Variants in MAP3K13 observed in about 807,000 individuals in gnomAD.
The protein encoded by MAP3K13 is leucine zipper-bearing kinase.
A neutral mutation model predicts 104.0 loss-of-function variants in MAP3K13; 52 were observed. The ratio of observed to expected loss-of-function variants is 0.50; its 90% CI spans 0.40 to 0.63. The LOEUF is 0.63. Ranked by LOEUF, MAP3K13 falls within the 20% of genes least tolerant of loss-of-function variation. The pLI is 0.00. For missense variants in MAP3K13, 914 were observed against 1,218.5 expected (o/e 0.75, Z 3.72); for synonymous variants, 394 against 442.2 (o/e 0.89, Z 1.37).
intron 2 of MAP3K13, among the ~76,000 whole-genome samples, chr3:185,322,850 C>A (rs1043852127): frequency 4.6e-5 from 7 of 151,918 alleles, no homozygotes; most frequent in Admixed American, 2.6e-4. Flanking sequence ...TTTATTTTTT[C>A]TTTTGAAATA....
chr3:185,383,378 G>A lies in MAP3K13; in HGVS notation c.-86+20010G>A, dbSNP rs562415862. ...TTTATAGTCCTTTGGGTATATACCAGTAATGGGATTTTACTAAAAATATTT... is the reference window on the plus strand; with the variant it reads ...TTTATAGTCCTTTGGGTATATACCAATAATGGGATTTTACTAAAAATATTT... On this transcript the variant is annotated intron_variant, in intron 1 of 13. Transcript: ENST00000265026. 2.6e-3 allele frequency among the ~76,000 whole-genome samples: 388 copies of A among 152,124 alleles called. 1 individual carries two copies. Among genetic ancestry groups the A allele is most frequent in the African/African-American group, 8.8e-3 (365 of 41,500 alleles).
At chr3:185,331,064 A>C (rs1722250509) in intron 2 of MAP3K13, among the ~76,000 whole-genome samples, 1 of 141,492 alleles carries the variant, frequency 7.1e-6, no homozygotes. Flanking sequence ...TTCCACCATA[A>C]CACTTTTTTT....
intron 2 of MAP3K13, chr3:185,291,722 C>T (rs1720746950): frequency 5.5e-5 from 84 of 1,514,538 alleles, no homozygotes; most frequent in Non-Finnish European, 7.0e-5. Context: ...CTTCAAGTCT[C>T]ATCTGCATTA....
chr3:185,391,730 C>T (rs549934716), intron 1 of MAP3K13, among the ~76,000 whole-genome samples: 19 of 152,186 alleles, frequency 1.2e-4, no homozygotes, highest in African/African-American at 4.3e-4. Context: ...TCCTTTTCTC[C>T]TGCTTTTTTC....
At chr3:185,479,409 T>C (rs535155992) in intron 12 of MAP3K13, among the ~76,000 whole-genome samples, 1 of 152,336 alleles carries the variant, frequency 6.6e-6, no homozygotes, top group East Asian at 1.9e-4. Context: ...ACTTCCCTTC[T>C]CTGGCTCCAG....
rs1219177032 is a variant in MAP3K13 at position 185,454,999 on chromosome 3, TATATATGAGATATATATG to T, written c.1278+3611_1278+3628del. On this transcript the variant is annotated intron_variant, in intron 7 of 13. Coordinates refer to ENST00000265026, the MANE Select transcript of MAP3K13 (RefSeq NM_004721.5). ...TATGATATATATGAGATATATATGA[TATATATGAGATATATATG>T]ATATATATGAGATATATATGATATA... Among the ~76,000 whole-genome samples, 111 of 41,828 alleles carry T rather than the reference TATATATGAGATATATATG, an allele frequency of 2.7e-3. 10 individuals carry two copies. The highest frequency in any genetic ancestry group is 0.042 in the Middle Eastern group (1 of 24). 27.4% of individuals were successfully genotyped at this position (41,828 alleles called of 152,430 possible).
Position 185,428,914 on chromosome 3 carries a change from C to T in MAP3K13, c.333C>T (p.Ser111=), listed in dbSNP as rs3732577. The change falls in exon 2 of 14, where the codon AGC becomes AGT. Residue 111 remains serine, a synonymous_variant. Transcript: ENST00000265026. ...NSNTVDGEST[S]GTEDIKIQFS... ...ACACGGTGGACGGAGAGAGCACAAG[C>T]GGAACTGAAGACATAAAGATTCAGT... The T allele has an allele frequency of 0.15, 239,446 of 1,613,888 alleles. 19,316 individuals are homozygous for T. The highest frequency in any genetic ancestry group is 0.24 in the South Asian group (21,690 of 91,076).
At chr3:185,401,878 A>T (rs1267943223) in intron 1 of MAP3K13, among the ~76,000 whole-genome samples, 4 of 152,126 alleles carry the variant, frequency 2.6e-5, no homozygotes, top group South Asian at 2.1e-4. Context: ...TTTTTGGTAG[A>T]TTATTAAAGC....
intron 2 of MAP3K13, chr3:185,292,621 C>A: frequency 2.0e-6 from 2 of 982,788 alleles, no homozygotes; most frequent in Non-Finnish European, 2.4e-6. Flanking sequence ...ATAATACAGA[C>A]AAAGGGTCCT....
chr3:185,381,103 C>T (rs1560075654), intron 1 of MAP3K13, among the ~76,000 whole-genome samples: 1 of 152,246 alleles, frequency 6.6e-6, no homozygotes. Context: ...GCTGGGATTA[C>T]AGGCGTGTGC....
chr3:185,347,793 G>A (rs1415338013), intron 2 of MAP3K13, among the ~76,000 whole-genome samples: 1 of 152,020 alleles, frequency 6.6e-6, no homozygotes, highest in Non-Finnish European at 1.5e-5. Context: ...TGGATCACCT[G>A]AGGTCAGGAG....
At chr3:185,332,459 A>G (rs1196159761) in intron 2 of MAP3K13, among the ~76,000 whole-genome samples, 1 of 152,228 alleles carries the variant, frequency 6.6e-6, no homozygotes, top group African/African-American at 2.4e-5. Context: ...CGGTAGTGTT[A>G]AGTATATTCA....
chr3:185,293,831 A>C lies in MAP3K13; in HGVS notation c.-86+8188A>C, dbSNP rs546645482. Among the ~76,000 whole-genome samples the C allele has an allele frequency of 1.9e-3, 288 of 152,320 alleles. 2 individuals carry two copies. Among genetic ancestry groups the C allele is most frequent in the African/African-American group, 6.6e-3 (276 of 41,572 alleles). On this transcript the variant is annotated intron_variant, in intron 2 of 14. Transcript: ENST00000424227. ...TTCACTTTATGCTACTACTCGTGACAAAGAATTTAATATCAATTTGACTTA... is the reference window on the plus strand; with the variant it reads ...TTCACTTTATGCTACTACTCGTGACCAAGAATTTAATATCAATTTGACTTA...
At chr3:185,432,125 T>C (rs1465763405) in intron 2 of MAP3K13, among the ~76,000 whole-genome samples, 1 of 147,364 alleles carries the variant, frequency 6.8e-6, no homozygotes, top group Non-Finnish European at 1.5e-5. Flanking sequence ...GAAAATAAAA[T>C]AAAGAAGAAA....
At chr3:185,318,701 C>T (rs764079683) in intron 2 of MAP3K13, among the ~76,000 whole-genome samples, 1 of 152,192 alleles carries the variant, frequency 6.6e-6, no homozygotes, top group Non-Finnish European at 1.5e-5. Flanking sequence ...TTCAGTCCCT[C>T]CTGTTCCACA....
intron 10 of MAP3K13, among the ~76,000 whole-genome samples, chr3:185,468,374 A>T (rs1379278247): frequency 6.6e-6 from 1 of 152,164 alleles, no homozygotes; most frequent in Non-Finnish European, 1.5e-5. Context: ...GGGATAGTTT[A>T]AAAAAAGATT....
intron 2 of MAP3K13, chr3:185,293,003 T>C (rs1720796398): frequency 1.0e-6 from 1 of 985,320 alleles, no homozygotes; most frequent in African/African-American, 1.7e-5. Flanking sequence ...ATTGTTTTAG[T>C]TATATGTACA....
intron 1 of MAP3K13, among the ~76,000 whole-genome samples, chr3:185,404,778 T>C (rs1386180071): frequency 1.3e-5 from 2 of 152,170 alleles, no homozygotes; most frequent in Admixed American, 6.5e-5. Context: ...GGTTTCACCA[T>C]GTTGGCCAGG....
chr3:185,481,528 T>C (rs1052103427), intron 13 of MAP3K13, among the ~76,000 whole-genome samples: 2 of 151,902 alleles, frequency 1.3e-5, no homozygotes, highest in Non-Finnish European at 2.9e-5. Flanking sequence ...GCCTCCCCAC[T>C]CCATACCCTG....
Sources: allele counts gnomAD v4.1 joint callset (sites outside exome capture counted in the v4.1 genomes callset), GRCh38; gene constraint gnomAD v4.1.1; transcripts MANE v1.5; gene names NCBI Gene and HGNC (gene_info 2026-07-23, HGNC 2026-07-21).